The following ZBTB20 variants were observed in gnomAD, a reference collection of about 807,000 sequenced individuals.
ZBTB20 encodes zinc finger and BTB domain-containing protein 20.
ZBTB20 carries 9 observed loss-of-function variants against 56.9 expected under a neutral mutation model. That is an observed-to-expected ratio of 0.16 (90% confidence interval 0.10 to 0.28). The LOEUF is 0.28. ZBTB20 is among the 10% of genes least tolerant of loss of function. ZBTB20 has a pLI of 1.00. For synonymous variants in ZBTB20, 417 were observed against 420.7 expected (o/e 0.99, Z 0.11); for missense variants, 655 against 1,003.0 (o/e 0.65, Z 4.69).
Position 114,380,406 on chromosome 3 carries a change from T to C in ZBTB20, c.12-2A>G, listed in dbSNP as rs776721084. ...TTTTCAGCTGTCTTGGGTTTCTTCCTGAAAATAAACAAAGGGCCCTTTGAA... is the reference window on the plus strand; with the variant it reads ...TTTTCAGCTGTCTTGGGTTTCTTCCCGAAAATAAACAAAGGGCCCTTTGAA... On this transcript the variant is annotated splice_acceptor_variant, in intron 9 of 11. Coordinates refer to ENST00000675478, the MANE Select transcript of ZBTB20 (RefSeq NM_001348800.3). LOFTEE classifies it high-confidence loss of function. 1 of 1,521,458 alleles carries C rather than the reference T, an allele frequency of 6.6e-7. No individual in the cohort carries two copies. Among genetic ancestry groups the C allele is most frequent in the Non-Finnish European group, 8.8e-7 (1 of 1,139,212 alleles). The allele number at this position is 1,521,458 out of a possible 1,614,324, so 94.2% of individuals were successfully genotyped here. A position where few individuals can be genotyped will look rare whatever the true frequency, so the allele number is the denominator to read the frequency against.
At chr3:115,043,041 A>G (rs1175175721) in intron 2 of ZBTB20, among the ~76,000 whole-genome samples, 1 of 152,312 alleles carries the variant, frequency 6.6e-6, no homozygotes, top group East Asian at 1.9e-4. Flanking sequence ...TTCTATCTCT[A>G]TAATTTCTGG....
At chr3:114,791,060 C>T (rs144825879) in intron 5 of ZBTB20, among the ~76,000 whole-genome samples, 1 of 152,150 alleles carries the variant, frequency 6.6e-6, no homozygotes, top group East Asian at 1.9e-4. Context: ...TATAAACTAG[C>T]CTTATTCCAT....
At chr3:114,380,083 G>A (rs1181104452) in intron 10 of ZBTB20, 134 bp downstream of exon 10, 2 of 941,596 alleles carry the variant, frequency 2.1e-6, no homozygotes, top group East Asian at 5.6e-5. Flanking sequence ...AATGAAAATG[G>A]TGGCACATTA....
chr3:114,557,576 T>C (rs1414492249), intron 6 of ZBTB20, among the ~76,000 whole-genome samples: 1 of 152,000 alleles, frequency 6.6e-6, no homozygotes, highest in Admixed American at 6.6e-5. Flanking sequence ...ACTCTGATTA[T>C]GAAATTCAAC....
intron 6 of ZBTB20, among the ~76,000 whole-genome samples, chr3:114,646,548 CAA>C (rs927431301): frequency 6.6e-6 from 1 of 151,430 alleles, no homozygotes; most frequent in African/African-American, 2.4e-5. Flanking sequence ...TAAAATAAGC[CAA>C]AAAAAATCTC....
chr3:114,457,029 G>A (rs1244609937), intron 7 of ZBTB20, among the ~76,000 whole-genome samples: 2 of 152,120 alleles, frequency 1.3e-5, no homozygotes, highest in African/African-American at 2.4e-5. Flanking sequence ...TAAAACACAC[G>A]GCCTACAGTT....
intron 5 of ZBTB20, among the ~76,000 whole-genome samples, chr3:114,756,796 A>G (rs920807693): frequency 2.0e-5 from 3 of 152,156 alleles, no homozygotes; most frequent in Non-Finnish European, 2.9e-5. Context: ...TGAGTATTAG[A>G]CATTTTAACA....
intron 4 of ZBTB20, among the ~76,000 whole-genome samples, chr3:114,882,109 A>C (rs976505134): frequency 3.9e-5 from 6 of 151,982 alleles, no homozygotes; most frequent in Non-Finnish European, 2.9e-5. Context: ...AACCAATAAA[A>C]TATTTTTAAA....
chr3:114,712,571 T>C (rs2064162005), intron 5 of ZBTB20, among the ~76,000 whole-genome samples: 1 of 151,192 alleles, frequency 6.6e-6, no homozygotes, highest in Admixed American at 6.6e-5. Context: ...GAGAATCCCT[T>C]GAACCCGGGA....
chr3:114,973,383 A>T (rs1412832132), intron 3 of ZBTB20, among the ~76,000 whole-genome samples: 2 of 152,332 alleles, frequency 1.3e-5, no homozygotes, highest in Middle Eastern at 3.4e-3. Context: ...GTTGACATAC[A>T]GGAGCTTTCT....
Position 115,011,829 on chromosome 3 carries a change from G to A in ZBTB20, c.-506-37413C>T, listed in dbSNP as rs112093461. Reference sequence around the variant, plus strand: ...AAGTACAAAGAGTAAATGATGAACCGATAAAAAAAATAAATACAACTTTTT... The same window carrying A: ...AAGTACAAAGAGTAAATGATGAACCAATAAAAAAAATAAATACAACTTTTT... On this transcript the variant is annotated intron_variant, in intron 2 of 11. Transcript: ENST00000675478. Among the ~76,000 whole-genome samples the A allele has an allele frequency of 4.2e-3, 638 of 151,586 alleles. 6 individuals are homozygous for A. The highest frequency in any genetic ancestry group is 0.014 in the African/African-American group (595 of 41,424).
intron 5 of ZBTB20, among the ~76,000 whole-genome samples, chr3:114,776,283 G>T (rs1031760673): frequency 2.0e-5 from 3 of 151,716 alleles, no homozygotes; most frequent in Non-Finnish European, 4.4e-5. Context: ...AGACTTTGCA[G>T]GTATAATTAA....
intron 6 of ZBTB20, among the ~76,000 whole-genome samples, chr3:114,631,223 G>A (rs552266104): frequency 6.6e-6 from 1 of 151,988 alleles, no homozygotes; most frequent in Non-Finnish European, 1.5e-5. Context: ...ATTCAGAAGA[G>A]TCATTACAAA....
chr3:114,558,004 C>T (rs1305756082), intron 6 of ZBTB20, among the ~76,000 whole-genome samples: 5 of 151,996 alleles, frequency 3.3e-5, no homozygotes, highest in African/African-American at 9.7e-5. Context: ...TACATTCCCT[C>T]AGACTTAATC....
chr3:114,929,002 G>A (rs1209598822), intron 3 of ZBTB20, among the ~76,000 whole-genome samples: 1 of 152,156 alleles, frequency 6.6e-6, no homozygotes, highest in Non-Finnish European at 1.5e-5. Context: ...TCATAGAAAA[G>A]AATTTTGTAT....
rs532048155 is a variant in ZBTB20, at chr3:114,896,701, A to G, written c.-417+3603T>C. Among the ~76,000 whole-genome samples, 10 of 152,228 alleles carry G rather than the reference A, an allele frequency of 6.6e-5. No homozygotes were observed. In the East Asian group the frequency reaches 1.9e-3, roughly 29 times the overall value. ...GATGTATTGTGGTGATGGCTGTGCA[A>G]GCATCATAAATGTATTTAATACCAT... On this transcript the variant is annotated intron_variant, in intron 4 of 11. Transcript: ENST00000675478.
chr3:115,142,216 T>C (rs897506107), intron 1 of ZBTB20, among the ~76,000 whole-genome samples: 2 of 152,224 alleles, frequency 1.3e-5, no homozygotes, highest in African/African-American at 4.8e-5. Flanking sequence ...TTATCCAGTA[T>C]TGATATGTCT....
At chr3:114,561,105 G>GTA (rs1199228836) in intron 6 of ZBTB20, among the ~76,000 whole-genome samples, 3 of 152,128 alleles carry the variant, frequency 2.0e-5, no homozygotes, top group Non-Finnish European at 4.4e-5. Context: ...GATAATGAAA[G>GTA]TATGAAAGTA....
At chr3:114,946,188 G>T (rs181352540) in intron 3 of ZBTB20, among the ~76,000 whole-genome samples, 2 of 145,296 alleles carry the variant, frequency 1.4e-5, no homozygotes. Flanking sequence ...ACAGAATCCT[G>T]CACCCAATAG....
Sources: gnomAD v4.1 joint callset for allele counts (sites outside exome capture counted in the v4.1 genomes callset) on GRCh38, gnomAD v4.1.1 for gene constraint, MANE v1.5 for transcripts, NCBI Gene and HGNC (gene_info 2026-07-23, HGNC 2026-07-21) for gene names.